Variants in KLF7 observed in about 807,000 individuals in gnomAD.
KLF7 encodes the protein KLF transcription factor 7.
Under a neutral mutation model 27.3 loss-of-function variants are expected in KLF7, and 2 were observed. That is an observed-to-expected ratio of 0.07 (90% CI 0.03 to 0.23). The LOEUF (loss-of-function observed/expected upper bound fraction) is 0.23. Among genes scored for constraint, KLF7 ranks in the 10% least tolerant of loss-of-function variants. The pLI, the probability that KLF7 is intolerant of heterozygous loss-of-function variation, is 1.00. For synonymous variants in KLF7, 165 were observed against 162.4 expected (o/e 1.02, Z -0.12); for missense variants, 221 against 394.1 (o/e 0.56, Z 3.72).
At chr2:207,135,853 C>G (rs1275103548) in intron 1 of KLF7, among the ~76,000 whole-genome samples, 1 of 152,066 alleles carries the variant, frequency 6.6e-6, no homozygotes, top group East Asian at 1.9e-4. Flanking sequence ...CTGTCTGGGA[C>G]AGATCCGGAT....
At chr2:207,140,187 T>C (rs2077901652) in intron 1 of KLF7, among the ~76,000 whole-genome samples, 1 of 152,210 alleles carries the variant, frequency 6.6e-6, no homozygotes, top group Non-Finnish European at 1.5e-5. Context: ...GGGCCTGGCC[T>C]GTTTTTTTAA....
intron 1 of KLF7, among the ~76,000 whole-genome samples, chr2:207,141,694 T>C (rs932483779): frequency 1.3e-5 from 2 of 152,040 alleles, no homozygotes; most frequent in Non-Finnish European, 2.9e-5. Context: ...AAAGTTAGAG[T>C]GCGTGAGACA....
chr2:207,153,528 T>C (rs1482640004), intron 1 of KLF7, among the ~76,000 whole-genome samples: 2 of 152,218 alleles, frequency 1.3e-5, no homozygotes, highest in Non-Finnish European at 2.9e-5. Context: ...TTTTGTAATA[T>C]ATTTTTTAAA....
At chr2:207,171,946 A>C (rs2078789616), upstream of KLF7, among the ~76,000 whole-genome samples, 1 of 152,216 alleles carries the variant, frequency 6.6e-6, no homozygotes, top group East Asian at 1.9e-4. Flanking sequence ...TTGTAAAATG[A>C]ATAAATCAAG....
rs777904720 is a variant in KLF7 at position 207,081,231 on chromosome 2, G to A, written c.891C>T (p.His297=). Residue 297 remains histidine, a synonymous_variant, in exon 4 of 4, where the codon CAC becomes CAT. Transcript: ENST00000309446. ...CGGTTTTTTAGATATGTCTCTTCAT[G>A]TGGAGGGCAAGATGGTCAGACCTGG... ...CFSRSDHLAL[H]MKRHI 2.0e-5 allele frequency: 33 copies of A among 1,613,996 alleles called. No individual in the cohort carries two copies. The South Asian group carries it at 3.3e-4, about 16-fold the overall frequency.
intron 1 of KLF7, among the ~76,000 whole-genome samples, chr2:207,130,700 C>CA (rs1484098182): frequency 6.6e-5 from 10 of 152,134 alleles, no homozygotes; most frequent in Non-Finnish European, 1.5e-4. Context: ...TCACCTGGAA[C>CA]ATAAAAGGTT....
At chr2:207,151,226 C>T (rs915481510) in intron 1 of KLF7, among the ~76,000 whole-genome samples, 1 of 152,104 alleles carries the variant, frequency 6.6e-6, no homozygotes, top group Non-Finnish European at 1.5e-5. Context: ...GGAACTCAGC[C>T]CACCCTTCGA....
At chr2:207,100,204 C>T (rs944272243) in intron 2 of KLF7, among the ~76,000 whole-genome samples, 11 of 152,180 alleles carry the variant, frequency 7.2e-5, no homozygotes, top group African/African-American at 2.7e-4. Flanking sequence ...CTCCCTGGGC[C>T]AGCTACCATT....
At chr2:207,148,037 A>G (rs1416366121) in intron 1 of KLF7, among the ~76,000 whole-genome samples, 1 of 152,180 alleles carries the variant, frequency 6.6e-6, no homozygotes, top group African/African-American at 2.4e-5. Flanking sequence ...CTAAACCTTA[A>G]AAGTACATAA....
At chr2:207,090,685 G>T (rs2076491086) in intron 2 of KLF7, among the ~76,000 whole-genome samples, 1 of 152,188 alleles carries the variant, frequency 6.6e-6, no homozygotes, top group Non-Finnish European at 1.5e-5. Flanking sequence ...GAAACAGAGA[G>T]TCTTTTAAGT....
At chr2:207,102,931 T>C (rs2076800971) in intron 2 of KLF7, among the ~76,000 whole-genome samples, 1 of 152,094 alleles carries the variant, frequency 6.6e-6, no homozygotes, top group South Asian at 2.1e-4. Context: ...AGCTGTACTT[T>C]TATTTATTTA....
intron 3 of KLF7, among the ~76,000 whole-genome samples, chr2:207,086,868 C>T (rs1256815846): frequency 1.3e-5 from 2 of 152,234 alleles, no homozygotes; most frequent in African/African-American, 4.8e-5. Context: ...ACGCTACCAT[C>T]ACACTCTGAC....
upstream of KLF7, chr2:207,166,830 G>C: frequency 1.2e-5 from 12 of 1,023,228 alleles, no homozygotes; most frequent in Non-Finnish European, 1.4e-5. Flanking sequence ...CAGAGAAGAA[G>C]CGCCTGAGGA....
intron 1 of KLF7, among the ~76,000 whole-genome samples, chr2:207,161,641 T>C (rs555353665): frequency 2.6e-5 from 4 of 152,276 alleles, no homozygotes; most frequent in Admixed American, 6.5e-5. Flanking sequence ...CCTGGTACCA[T>C]GAGGCTGTTC....
chr2:207,126,384 G>T (rs2077476502), intron 1 of KLF7, among the ~76,000 whole-genome samples: 1 of 152,224 alleles, frequency 6.6e-6, no homozygotes, highest in Middle Eastern at 3.4e-3. Context: ...CATAATGTCT[G>T]TCAAAGACAA....
In KLF7 at chr2:207,123,918, C is replaced by T. The variant is rs2077406387; in HGVS notation, c.589G>A (p.Gly197Arg). 6.2e-7 allele frequency: 1 copy of T among 1,614,008 alleles called. No homozygotes were observed. Among genetic ancestry groups the T allele is most frequent in the East Asian group, 2.2e-5 (1 of 44,872 alleles). The change falls in exon 2 of 4, where the codon GGA (glycine) becomes AGA (arginine). Residue 197 changes from glycine (G) to arginine (R), a missense_variant. Gly to Arg is a moderately radical substitution (Grantham distance 125). Around this residue, in one of 3 missense-constraint regions of KLF7, gnomAD observed 180 missense variants for 227.9 expected, o/e 0.79. Coordinates refer to ENST00000309446, the MANE Select transcript of KLF7 (RefSeq NM_003709.4). ...CCTCCTTGGTCACTGTCGCTCTGTC[C>T]ACTCTTAACGGCCCCCGCAGCCGTC... The part of the protein sequence containing the change: ...AVTAAGAVKS[G>R]QSDSDQGGLG...
intron 2 of KLF7, among the ~76,000 whole-genome samples, chr2:207,109,704 G>A (rs2076976316): frequency 6.6e-6 from 1 of 152,150 alleles, no homozygotes; most frequent in Non-Finnish European, 1.5e-5. Flanking sequence ...ATCTGAGTAG[G>A]AACGCCTCAG....
intron 1 of KLF7, among the ~76,000 whole-genome samples, chr2:207,144,304 T>C (rs1041461764): frequency 8.5e-5 from 13 of 152,204 alleles, no homozygotes; most frequent in African/African-American, 2.7e-4. Flanking sequence ...TTTAAATGTG[T>C]CATACAAATG....
upstream of KLF7, chr2:207,167,114 G>A (rs2078739151): frequency 9.8e-6 from 14 of 1,424,456 alleles, no homozygotes; most frequent in Non-Finnish European, 1.2e-5. Context: ...CAGCTTGCGA[G>A]GGGGCCTTTA....
Sources: gnomAD v4.1 joint callset for allele counts (sites outside exome capture counted in the v4.1 genomes callset) on GRCh38, gnomAD v4.1.1 for gene constraint, gnomAD v4.1.1 regional missense constraint, MANE v1.5 for transcripts, NCBI Gene and HGNC (gene_info 2026-07-23, HGNC 2026-07-21) for gene names.